Variants in DFFB observed in about 807,000 individuals in gnomAD.
The protein encoded by DFFB is DNA fragmentation factor 40 kDa subunit.
Under a neutral mutation model 32.7 loss-of-function variants are expected in DFFB, and 29 were observed. The ratio of observed to expected loss-of-function variants is 0.89; its 90% confidence interval spans 0.66 to 1.21. The LOEUF is 1.21. Ranked by LOEUF, DFFB falls within the 50% of genes most tolerant of loss-of-function variation. The pLI is 0.00. For synonymous variants in DFFB, 170 were observed against 177.1 expected (o/e 0.96, Z 0.32); for missense variants, 398 against 440.6 (o/e 0.90, Z 0.87).
rs1390304120 is a variant in DFFB at position 3,884,143 on chromosome 1, CA to C, written c.*405del. 3 of 239,752 alleles carry C rather than the reference CA, an allele frequency of 1.3e-5. No homozygotes were observed. The highest frequency in any genetic ancestry group is 6.8e-5 in the African/African-American group (3 of 43,802). 14.9% of individuals were successfully genotyped at this position (239,752 alleles called of 1,614,324 possible). Reference sequence around the variant, plus strand: ...AGGTGATCCGCCCACCTCAGCCTCCCAAAGTGCTGGGATGACAGGTGTGAGC... The same window carrying C: ...AGGTGATCCGCCCACCTCAGCCTCCCAAGTGCTGGGATGACAGGTGTGAGC... On this transcript the variant is annotated 3_prime_UTR_variant, in exon 7 of 7. Transcript: ENST00000378209.
intron 5 of DFFB, among the ~76,000 whole-genome samples, chr1:3,871,283 A>C (rs992636812): frequency 3.4e-5 from 5 of 149,234 alleles, no homozygotes; most frequent in Admixed American, 6.6e-5. Context: ...CCAAAGGCAG[A>C]GCTTTTTTTT....
In DFFB at chr1:3,865,671, C is replaced by G; in HGVS notation, c.242-141C>G. Reference sequence around the variant, plus strand: ...TTGGTGTCAGGGCAAGGACAAAGACCCGGGACACCTCAAGTCTGAGTCCTG... The same window carrying G: ...TTGGTGTCAGGGCAAGGACAAAGACGCGGGACACCTCAAGTCTGAGTCCTG... On this transcript the variant is annotated intron_variant, in intron 2 of 6. Transcript: ENST00000378209. The surrounding 1 kb of genome is among the most constrained non-coding windows in gnomAD (Gnocchi z 4.7). 1 of 1,341,304 alleles carries G rather than the reference C, an allele frequency of 7.5e-7. No individual in the cohort carries two copies. The highest frequency in any genetic ancestry group is 1.1e-6 in the Non-Finnish European group (1 of 935,986). 83.1% of individuals were successfully genotyped at this position (1,341,304 alleles called of 1,614,324 possible). A position where few individuals can be genotyped will look rare whatever the true frequency, so the allele number is the denominator to read the frequency against.
chr1:3,874,146 G>A lies in DFFB; in HGVS notation c.782+1574G>A, dbSNP rs531266196. 3.3e-4 allele frequency among the ~76,000 whole-genome samples: 50 copies of A among 151,004 alleles called. No individual in the cohort carries two copies. In the Middle Eastern group the frequency reaches 0.01, roughly 31 times the overall value. On this transcript the variant is annotated intron_variant, in intron 6 of 6. Transcript: ENST00000378209. ...CCGTGTAGCTGCACCTTTACCACACGCGTGTGAGTTTAACATGCACGTACG... is the reference window on the plus strand; with the variant it reads ...CCGTGTAGCTGCACCTTTACCACACACGTGTGAGTTTAACATGCACGTACG...
intron 1 of DFFB, among the ~76,000 whole-genome samples, chr1:3,858,450 T>C (rs1644804333): frequency 6.6e-6 from 1 of 152,202 alleles, no homozygotes; most frequent in African/African-American, 2.4e-5. Flanking sequence ...CAGGAGCTCA[T>C]TTAAAAAGGG....
At position 3,872,337 on chromosome 1, in the gene DFFB, C is replaced by T. The variant is rs1645132306; in HGVS notation, c.682-135C>T. 2.4e-5 allele frequency: 15 copies of T among 627,080 alleles called. 1 individual carries two copies. The highest frequency in any genetic ancestry group is 7.7e-5 in the South Asian group (4 of 51,978). 38.8% of individuals were successfully genotyped at this position (627,080 alleles called of 1,614,324 possible). A position where few individuals can be genotyped will look rare whatever the true frequency, so the allele number is the denominator to read the frequency against. On this transcript the variant is annotated intron_variant, in intron 5 of 6. Coordinates refer to ENST00000378209, the MANE Select transcript of DFFB (RefSeq NM_004402.4). ...CTGAGGCAGGAGAATCGCTTCAACA[C>T]GGGAGGCGGAGGTTGTAGTAAGCCG...
At chr1:3,861,121 T>G (rs376259456) in intron 2 of DFFB, among the ~76,000 whole-genome samples, 3 of 147,354 alleles carry the variant, frequency 2.0e-5, no homozygotes, top group South Asian at 4.3e-4. Flanking sequence ...GCCATTGCAC[T>G]CTAGCCTGGG....
chr1:3,883,454 T>C (rs1026672100), intron 6 of DFFB, 53 bp from the exon 7 acceptor site: 1 of 1,538,872 alleles, frequency 6.5e-7, no homozygotes, highest in African/African-American at 1.4e-5. Flanking sequence ...CTATGACCTG[T>C]TGCCTGTGGC....
At chr1:3,874,986 G>T (rs1242333297) in intron 6 of DFFB, among the ~76,000 whole-genome samples, 1 of 152,054 alleles carries the variant, frequency 6.6e-6, no homozygotes, top group Non-Finnish European at 1.5e-5. Flanking sequence ...GAGCCGTGTA[G>T]CTGCACCTTT....
intron 6 of DFFB, among the ~76,000 whole-genome samples, chr1:3,877,332 T>TG (rs1286465652): frequency 2.0e-5 from 3 of 146,750 alleles, no homozygotes; most frequent in South Asian, 2.2e-4. Context: ...AGTTCAGTTT[T>TG]TTTTTTTTTT....
Position 3,883,521 on chromosome 1 carries a change from G to A in DFFB, c.797G>A (p.Arg266His), listed in dbSNP as rs532234992. ...WNLDHIIEKKRTIIPTLVEAI... is the reference protein window; with the variant it reads ...WNLDHIIEKKHTIIPTLVEAI... ...TTACTTTGCAGAATAGAAAAGAAAC[G>A]CACCATCATTCCTACACTGGTGGAA... The change falls in exon 7 of 7, where the codon CGC becomes CAC. Residue 266 changes from arginine to histidine, a missense_variant. Transcript: ENST00000378209. 23 of 1,614,002 alleles carry A rather than the reference G, an allele frequency of 1.4e-5. No individual in the cohort carries two copies. The highest frequency in any genetic ancestry group is 8.0e-5 in the African/African-American group (6 of 75,040).
At chr1:3,878,213 G>T (rs557196571) in intron 6 of DFFB, among the ~76,000 whole-genome samples, 13 of 151,426 alleles carry the variant, frequency 8.6e-5, no homozygotes, top group Admixed American at 4.6e-4. Flanking sequence ...GTCCAGTGGC[G>T]CAATCTCCTC....
chr1:3,858,626 C>T lies in DFFB; in HGVS notation c.115-92C>T, dbSNP rs1644810125. 46 of 1,479,830 alleles carry T rather than the reference C, an allele frequency of 3.1e-5. 2 individuals carry two copies. In the South Asian group the frequency reaches 5.8e-4, roughly 19 times the overall value. 91.7% of individuals were successfully genotyped at this position (1,479,830 alleles called of 1,614,324 possible). A position where few individuals can be genotyped will look rare whatever the true frequency, so the allele number is the denominator to read the frequency against. ...GGCAGCCTGAGCCTGCTTCTTTAAGCACAGCTCATTCCGGTCGTTTGTGAG... is the reference window on the plus strand; with the variant it reads ...GGCAGCCTGAGCCTGCTTCTTTAAGTACAGCTCATTCCGGTCGTTTGTGAG... On this transcript the variant is annotated intron_variant, in intron 1 of 6. Transcript: ENST00000378209.
intron 2 of DFFB, among the ~76,000 whole-genome samples, chr1:3,859,103 T>G (rs1182492424): frequency 1.3e-5 from 2 of 152,142 alleles, no homozygotes; most frequent in African/African-American, 4.8e-5. Flanking sequence ...TTGCGTTCAT[T>G]TGAGGTGTCC....
In DFFB at chr1:3,872,549, C is replaced by T. The variant is rs1440179124; in HGVS notation, c.759C>T (p.Phe253=). ...PYSNRESRIL[F]STWNLDHIIE... is the part of the protein sequence containing the mutation. ...GTAACAGGGAGAGCAGGATCCTCTT[C>T]AGCACCTGGAACCTGGATCACATGT... Residue 253 remains phenylalanine, a synonymous_variant, in exon 6 of 7, where the codon TTC becomes TTT. Coordinates refer to ENST00000378209, the MANE Select transcript of DFFB (RefSeq NM_004402.4). The T allele has an allele frequency of 6.2e-7, 1 of 1,614,032 alleles. No individual in the cohort carries two copies. The highest frequency in any genetic ancestry group is 1.1e-5 in the South Asian group (1 of 91,080).
chr1:3,857,726 T>C lies in DFFB; in HGVS notation c.114+9T>C, dbSNP rs1274245434. 2 of 1,506,138 alleles carry C rather than the reference T, an allele frequency of 1.3e-6. No homozygotes were observed. Among genetic ancestry groups the C allele is most frequent in the Non-Finnish European group, 1.8e-6 (2 of 1,124,300 alleles). The allele number at this position is 1,506,138 out of a possible 1,614,324, so 93.3% of individuals were successfully genotyped here. On this transcript the variant is annotated intron_variant, in intron 1 of 6. Transcript: ENST00000378209. ...GCTGTCTCCGCTTCCAGGTGCCCGC[T>C]GGGCTAGGCGGGGACGGCCCGTCGG...
At position 3,865,982 on chromosome 1, in the gene DFFB, G is replaced by A; in HGVS notation, c.412G>A (p.Asp138Asn). 6.4e-7 allele frequency: 1 copy of A among 1,568,216 alleles called. No individual in the cohort carries two copies. Among genetic ancestry groups the A allele is most frequent in the East Asian group, 2.3e-5 (1 of 44,298 alleles). ...QNIAAETRAE[D>N]PPWFEGLESR... ...CATCGCGGCCGAGACCCGGGCTGAGGACCCGCCGTGGTTTGAAGGTGCGTG... is the reference window on the plus strand; with the variant it reads ...CATCGCGGCCGAGACCCGGGCTGAGAACCCGCCGTGGTTTGAAGGTGCGTG... The change falls in exon 3 of 7, where the codon GAC (aspartate) becomes AAC (asparagine). Residue 138 changes from aspartate (D) to asparagine (N), a missense_variant. Transcript: ENST00000378209. This position sits in a 1 kb window ranked among gnomAD's most constrained non-coding sequence, Gnocchi z 4.7.
chr1:3,871,319 G>A (rs774047364), intron 5 of DFFB, among the ~76,000 whole-genome samples: 109 of 152,204 alleles, frequency 7.2e-4, no homozygotes, highest in Non-Finnish European at 4.3e-4. Flanking sequence ...GACGAGTCTC[G>A]CTCTGTCACC....
intron 6 of DFFB, among the ~76,000 whole-genome samples, chr1:3,877,754 G>A (rs1645253637): frequency 6.6e-6 from 1 of 152,166 alleles, no homozygotes; most frequent in African/African-American, 2.4e-5. Flanking sequence ...GTTCCTGCCT[G>A]CCTTTCGTTG....
chr1:3,863,439 G>A (rs1274509823), intron 2 of DFFB, among the ~76,000 whole-genome samples: 4 of 152,216 alleles, frequency 2.6e-5, no homozygotes, highest in African/African-American at 9.6e-5. Flanking sequence ...TGCAGCTGCT[G>A]TGGAAAATAG....
Sources: allele counts gnomAD v4.1 joint callset (sites outside exome capture counted in the v4.1 genomes callset), GRCh38; gene constraint gnomAD v4.1.1; non-coding constraint Gnocchi (gnomAD v3.1); transcripts MANE v1.5; gene names NCBI Gene and HGNC (gene_info 2026-07-23, HGNC 2026-07-21).